Variants in TENM2 observed in about 807,000 individuals in gnomAD.
TENM2 encodes teneurin-2.
TENM2 carries 52 observed loss-of-function variants against 245.2 expected under a neutral mutation model. The ratio of observed to expected loss-of-function variants is 0.21; its 90% CI spans 0.17 to 0.27. The LOEUF (loss-of-function observed/expected upper bound fraction) is 0.27. TENM2 is among the 10% of genes least tolerant of loss of function. The probability of loss-of-function intolerance (pLI) is 1.00; values close to 1 mark genes in which losing one functional copy is unlikely to be tolerated. For missense variants in TENM2, 3,046 were observed against 3,666.8 expected (o/e 0.83, Z 4.37); for synonymous variants, 1,363 against 1,438.9 (o/e 0.95, Z 1.19).
intron 2 of TENM2, among the ~76,000 whole-genome samples, chr5:167,402,748 C>A: frequency 6.6e-6 from 1 of 152,068 alleles, no homozygotes; most frequent in East Asian, 1.9e-4. Context: ...GTCTTTTATT[C>A]TCCTATAGAA....
At chr5:167,399,192 G>A (rs1385193605) in intron 2 of TENM2, among the ~76,000 whole-genome samples, 2 of 152,144 alleles carry the variant, frequency 1.3e-5, no homozygotes, top group Non-Finnish European at 2.9e-5. Flanking sequence ...CAAGGAAAGG[G>A]AGTTAAATAT....
At chr5:167,369,693 G>A (rs1760286271) in intron 1 of TENM2, among the ~76,000 whole-genome samples, 1 of 152,130 alleles carries the variant, frequency 6.6e-6, no homozygotes, top group African/African-American at 2.4e-5. Context: ...TTATTTCTCT[G>A]TATAAAATGA....
chr5:167,207,018 C>T, the TENM2 span, among the ~76,000 whole-genome samples: 18 of 152,060 alleles, frequency 1.2e-4, no homozygotes, highest in East Asian at 2.1e-3. Context: ...TTCAGTACAT[C>T]GGTAATTAGA....
chr5:167,125,767 C>A, the TENM2 span, among the ~76,000 whole-genome samples: 1 of 152,112 alleles, frequency 6.6e-6, no homozygotes, highest in Admixed American at 6.6e-5. Flanking sequence ...CTGTCCTAGA[C>A]CCTTCCCTAG....
At chr5:167,950,543 C>T (rs1229044459) in intron 3 of TENM2, among the ~76,000 whole-genome samples, 1 of 152,066 alleles carries the variant, frequency 6.6e-6, no homozygotes, top group East Asian at 1.9e-4. Context: ...CACTGACCCG[C>T]CCCATCTTCC....
intron 2 of TENM2, among the ~76,000 whole-genome samples, chr5:167,807,629 A>ATTT (rs1561803885): frequency 0.013 from 213 of 16,462 alleles, no homozygotes; most frequent in African/African-American, 0.03. Context: ...TTTTTTAAAA[A>ATTT]AAAAAAAAAA....
chr5:167,617,700 C>T (rs756563312), intron 2 of TENM2, among the ~76,000 whole-genome samples: 1 of 152,084 alleles, frequency 6.6e-6, no homozygotes, highest in Non-Finnish European at 1.5e-5. Flanking sequence ...TTGTAGCCAG[C>T]GAGCCTAATG....
At chr5:167,588,847 T>C (rs747739031) in intron 2 of TENM2, among the ~76,000 whole-genome samples, 18 of 152,176 alleles carry the variant, frequency 1.2e-4, no homozygotes, top group Non-Finnish European at 4.4e-5. Context: ...TTGGAACCCA[T>C]TTAATTCATC....
the TENM2 span, among the ~76,000 whole-genome samples, chr5:167,204,339 C>T: frequency 6.6e-6 from 1 of 152,222 alleles, no homozygotes; most frequent in Non-Finnish European, 1.5e-5. Context: ...AGCATCCAAG[C>T]TGTTTGGAAT....
intron 5 of TENM2, among the ~76,000 whole-genome samples, chr5:168,015,072 C>T (rs1031101602): frequency 2.5e-4 from 38 of 152,216 alleles, no homozygotes; most frequent in African/African-American, 8.2e-4. Context: ...CTCTTACCAT[C>T]AGCCAGTACT....
chr5:167,258,734 C>G, the TENM2 span, among the ~76,000 whole-genome samples: 1 of 152,008 alleles, frequency 6.6e-6, no homozygotes, highest in Non-Finnish European at 1.5e-5. Flanking sequence ...TAATTTAACA[C>G]AAAGTTTAAA....
chr5:167,993,932 C>T (rs113031206), intron 5 of TENM2, among the ~76,000 whole-genome samples: 6,213 of 152,270 alleles, frequency 0.041, 221 homozygotes, highest in African/African-American at 0.087. Flanking sequence ...AGGGTGTAGC[C>T]GTGTCACCAC....
intron 2 of TENM2, among the ~76,000 whole-genome samples, chr5:167,865,334 C>A (rs1772213982): frequency 6.6e-6 from 1 of 152,052 alleles, no homozygotes; most frequent in Non-Finnish European, 1.5e-5. Flanking sequence ...GCCAGAGTGG[C>A]ACATTCAGGG....
At chr5:167,373,485 T>C (rs980891871) in intron 1 of TENM2, among the ~76,000 whole-genome samples, 1 of 152,206 alleles carries the variant, frequency 6.6e-6, no homozygotes, top group African/African-American at 2.4e-5. Context: ...GAGAAGTACA[T>C]TTCTTCACTG....
At chr5:167,869,837 T>TAA (rs771209092) in intron 2 of TENM2, among the ~76,000 whole-genome samples, 5 of 148,346 alleles carry the variant, frequency 3.4e-5, no homozygotes, top group African/African-American at 1.2e-4. Flanking sequence ...AGAACCACGT[T>TAA]AAAAAAAAAA....
At chr5:167,252,765 T>G in the TENM2 span, among the ~76,000 whole-genome samples, 10 of 152,070 alleles carry the variant, frequency 6.6e-5, no homozygotes, top group Admixed American at 2.6e-4. Flanking sequence ...ACATTGATCC[T>G]TTACACCATT....
intron 1 of TENM2, among the ~76,000 whole-genome samples, chr5:167,347,075 G>C (rs1173963797): frequency 1.3e-5 from 2 of 151,476 alleles, no homozygotes; most frequent in African/African-American, 4.9e-5. Context: ...CCAAGCTCCA[G>C]CTTTTACAGA....
chr5:167,214,835 G>C, the TENM2 span, among the ~76,000 whole-genome samples: 1 of 152,248 alleles, frequency 6.6e-6, no homozygotes, highest in East Asian at 1.9e-4. Flanking sequence ...ATAGATCTTA[G>C]GCACAGGGCT....
chr5:167,127,142 A>G, the TENM2 span, among the ~76,000 whole-genome samples: 3 of 152,192 alleles, frequency 2.0e-5, no homozygotes, highest in Non-Finnish European at 4.4e-5. Flanking sequence ...GTCTTAGGCC[A>G]AGAATAAGAA....
Sources: gnomAD v4.1 joint callset for allele counts (sites outside exome capture counted in the v4.1 genomes callset) on GRCh38, gnomAD v4.1.1 for gene constraint, MANE v1.5 for transcripts, NCBI Gene and HGNC (gene_info 2026-07-23, HGNC 2026-07-21) for gene names.